Variants in MAML3 observed in about 807,000 individuals in gnomAD.
The protein encoded by MAML3 is mastermind like transcriptional coactivator 3.
In MAML3, 27 loss-of-function variants were observed where a neutral mutation model predicts 101.9. That is an observed-to-expected ratio of 0.27 (90% CI 0.20 to 0.37). MAML3 has a LOEUF of 0.37. Ranked by LOEUF, MAML3 falls within the 10% of genes least tolerant of loss-of-function variation. MAML3 has a pLI of 1.00. For missense variants in MAML3, 1,316 were observed against 1,444.9 expected, an observed-to-expected ratio of 0.91 and a Z score of 1.45; for synonymous variants, 501 against 555.9, an observed-to-expected ratio of 0.90 and a Z score of 1.39.
intron 2 of MAML3, among the ~76,000 whole-genome samples, chr4:139,807,589 A>G (rs977775451): frequency 6.6e-6 from 1 of 152,164 alleles, no homozygotes; most frequent in Non-Finnish European, 1.5e-5. Flanking sequence ...AGGATACCTC[A>G]AGGGAGCATA....
chr4:139,749,202 A>G (rs1729420736), intron 2 of MAML3, among the ~76,000 whole-genome samples: 2 of 152,248 alleles, frequency 1.3e-5, no homozygotes, highest in Non-Finnish European at 2.9e-5. Flanking sequence ...CCCCAATTAT[A>G]TAAAATTATA....
intron 1 of MAML3, among the ~76,000 whole-genome samples, chr4:140,122,629 A>G (rs1383064119): frequency 6.6e-6 from 1 of 151,744 alleles, no homozygotes; most frequent in Admixed American, 6.6e-5. Context: ...CGTCTCTACT[A>G]AAAATACAAA....
chr4:139,990,038 G>T (rs184854055), intron 1 of MAML3, among the ~76,000 whole-genome samples: 323 of 152,222 alleles, frequency 2.1e-3, no homozygotes, highest in East Asian at 4.6e-3. Flanking sequence ...GGAATCAGAA[G>T]AAATTAATTG....
chr4:140,031,381 G>A (rs1407874158), intron 1 of MAML3, among the ~76,000 whole-genome samples: 3 of 152,074 alleles, frequency 2.0e-5, no homozygotes, highest in Admixed American at 2.0e-4. Context: ...ATTTAAAAAT[G>A]GACTAAGTAA....
intron 1 of MAML3, among the ~76,000 whole-genome samples, chr4:140,119,068 G>T (rs1464402676): frequency 6.6e-6 from 1 of 152,062 alleles, no homozygotes; most frequent in Non-Finnish European, 1.5e-5. Context: ...ACAGGCAAGG[G>T]GTATGGTGGC....
rs182343270 is a variant in MAML3, at chr4:139,858,348, G to A, written c.2079+31009C>T. Among the ~76,000 whole-genome samples, 134 of 151,794 alleles carry A rather than the reference G, an allele frequency of 8.8e-4. 1 individual carries two copies. The highest frequency in any genetic ancestry group is 3.1e-3 in the African/African-American group (129 of 41,346). On this transcript the variant is annotated intron_variant, in intron 2 of 4. Coordinates refer to ENST00000509479, the MANE Select transcript of MAML3 (RefSeq NM_018717.5). Reference sequence around the variant, plus strand: ...TATTCATTATTCCTCTCAGCCCTAGGTCATGTCCAATTTGATAAACATGCC... The same window carrying A: ...TATTCATTATTCCTCTCAGCCCTAGATCATGTCCAATTTGATAAACATGCC...
chr4:139,823,152 T>C lies in MAML3; in HGVS notation c.2079+66205A>G, dbSNP rs185119402. Among the ~76,000 whole-genome samples, 115 of 152,336 alleles carry C rather than the reference T, an allele frequency of 7.5e-4. 1 individual carries two copies. The highest frequency in any genetic ancestry group is 9.6e-4 in the Non-Finnish European group (65 of 68,022). ...AGAAAATCAGTAAATGATTCCTCAT[T>C]ATGCAAGTCAGTCAGATTTTATTAT... On this transcript the variant is annotated intron_variant, in intron 2 of 4. Coordinates refer to ENST00000509479, the MANE Select transcript of MAML3 (RefSeq NM_018717.5).
intron 2 of MAML3, among the ~76,000 whole-genome samples, chr4:139,848,473 T>C (rs1018566822): frequency 6.6e-6 from 1 of 152,194 alleles, no homozygotes; most frequent in Non-Finnish European, 1.5e-5. Context: ...CCTTTAATGA[T>C]TGAACAAAAA....
At chr4:139,796,570 C>T (rs1730513223) in intron 2 of MAML3, among the ~76,000 whole-genome samples, 1 of 152,096 alleles carries the variant, frequency 6.6e-6, no homozygotes, top group Admixed American at 6.5e-5. Context: ...TGTGGCTCCA[C>T]CCTCAGAAGT....
chr4:139,900,214 T>C (rs886831231), intron 1 of MAML3, among the ~76,000 whole-genome samples: 3 of 152,244 alleles, frequency 2.0e-5, no homozygotes, highest in Non-Finnish European at 4.4e-5. Context: ...ATGGTGCCTC[T>C]TTTCAATGTT....
At position 140,143,916 on chromosome 4, in the gene MAML3, C is replaced by T. The variant is rs150804554; in HGVS notation, c.468+8944G>A. ...TTCCCAGGCATCCTTCACCTCATCGCGGCACCTCTGCCTCTCTCTGCTCTT... is the reference window on the plus strand; with the variant it reads ...TTCCCAGGCATCCTTCACCTCATCGTGGCACCTCTGCCTCTCTCTGCTCTT... On this transcript the variant is annotated intron_variant, in intron 1 of 4. Transcript: ENST00000509479. 2.5e-3 allele frequency among the ~76,000 whole-genome samples: 374 copies of T among 152,292 alleles called. 1 individual carries two copies. The highest frequency in any genetic ancestry group is 0.012 in the South Asian group (57 of 4,826).
At chr4:139,979,471 C>CTT (rs1379561117) in intron 1 of MAML3, among the ~76,000 whole-genome samples, 2 of 152,200 alleles carry the variant, frequency 1.3e-5, no homozygotes, top group African/African-American at 2.4e-5. Context: ...CTAGTTGCTG[C>CTT]TTTAGCTCTA....
chr4:140,121,117 A>G (rs1728599976), intron 1 of MAML3, among the ~76,000 whole-genome samples: 1 of 152,210 alleles, frequency 6.6e-6, no homozygotes. Context: ...GGACGCATAA[A>G]ACTATGATGA....
At chr4:139,773,910 G>A (rs573139898) in intron 2 of MAML3, among the ~76,000 whole-genome samples, 20 of 151,850 alleles carry the variant, frequency 1.3e-4, no homozygotes, top group Non-Finnish European at 2.5e-4. Context: ...GCAAACAACC[G>A]GACCACTGTG....
At chr4:139,965,553 T>G (rs1287082172) in intron 1 of MAML3, among the ~76,000 whole-genome samples, 1 of 152,238 alleles carries the variant, frequency 6.6e-6, no homozygotes, top group African/African-American at 2.4e-5. Flanking sequence ...AGCTGTCTTA[T>G]GTTAAAAAGG....
chr4:139,748,008 C>T (rs942296484), intron 2 of MAML3, among the ~76,000 whole-genome samples: 3 of 131,992 alleles, frequency 2.3e-5, no homozygotes, highest in African/African-American at 8.7e-5. Flanking sequence ...GAGCCAAGAT[C>T]ACGCCACTGC....
At chr4:140,110,614 C>CTTA (rs780901399) in intron 1 of MAML3, among the ~76,000 whole-genome samples, 1 of 152,144 alleles carries the variant, frequency 6.6e-6, no homozygotes, top group Non-Finnish European at 1.5e-5. Context: ...GAGAAAAGTA[C>CTTA]TTACAGGAAA....
Position 139,889,337 on chromosome 4 carries a change from T to C in MAML3, c.2079+20A>G. Reference sequence around the variant, plus strand: ...TGCACCACAAGAACTGCTCGAAGAGTGTGTCACTTTCACACTTACCTGACC... The same window carrying C: ...TGCACCACAAGAACTGCTCGAAGAGCGTGTCACTTTCACACTTACCTGACC... On this transcript the variant is annotated intron_variant, in intron 2 of 4. Transcript: ENST00000509479. 1 of 1,613,684 alleles carries C rather than the reference T, an allele frequency of 6.2e-7. No individual in the cohort carries two copies. Among genetic ancestry groups the C allele is most frequent in the Non-Finnish European group, 8.5e-7 (1 of 1,179,836 alleles).
intron 1 of MAML3, among the ~76,000 whole-genome samples, chr4:139,988,447 T>C (rs2110822063): frequency 6.6e-6 from 1 of 152,286 alleles, no homozygotes; most frequent in Non-Finnish European, 1.5e-5. Flanking sequence ...TTAGAAGAGT[T>C]GTCCCACACT....
Sources: allele counts gnomAD v4.1 joint callset (sites outside exome capture counted in the v4.1 genomes callset), GRCh38; gene constraint gnomAD v4.1.1; transcripts MANE v1.5; gene names NCBI Gene and HGNC (gene_info 2026-07-23, HGNC 2026-07-21).